RGS12: variants seen among roughly 807,000 people sequenced by gnomAD.
The protein encoded by RGS12 is regulator of G-protein signaling 12.
A neutral mutation model predicts 120.1 loss-of-function variants in RGS12; 66 were observed. The observed-to-expected ratio is 0.55, with a 90% confidence interval of 0.45 to 0.67. The LOEUF (loss-of-function observed/expected upper bound fraction) is 0.67, where lower values mean the gene tolerates loss of function less well. Ranked by LOEUF, RGS12 falls within the 30% of genes least tolerant of loss-of-function variation. The probability of loss-of-function intolerance (pLI) is 0.00; values close to 1 mark genes in which losing one functional copy is unlikely to be tolerated. For missense variants in RGS12, 1,859 were observed against 1,957.7 expected (o/e 0.95, Z 0.95); for synonymous variants, 827 against 804.7 (o/e 1.03, Z -0.47).
chr4:3,342,645 G>T, intron 2 of RGS12: 1 of 1,202,702 alleles, frequency 8.3e-7, no homozygotes, highest in Non-Finnish European at 1.1e-6. Flanking sequence ...AGCCTTGTGG[G>T]TGGGCTGCCG....
In RGS12 at chr4:3,365,430, G is replaced by A. The variant is rs1716202143; in HGVS notation, c.1999-20986G>A. On this transcript the variant is annotated intron_variant, in intron 3 of 17. Transcript: ENST00000336727. This position sits in a 1 kb window ranked among gnomAD's most constrained non-coding sequence, Gnocchi z 4.0. ...GGGAGGAGGGAGGGAGGTGGCAGGA[G>A]CTTTTGCGTCTGTCCCCAGTGAGTT... Among the ~76,000 whole-genome samples, 1 of 152,130 alleles carries A rather than the reference G, an allele frequency of 6.6e-6. No homozygotes were observed. Among genetic ancestry groups the A allele is most frequent in the African/African-American group, 2.4e-5 (1 of 41,412 alleles).
At chr4:3,310,582 C>T (rs1011276992) in intron 1 of RGS12, among the ~76,000 whole-genome samples, 4 of 152,160 alleles carry the variant, frequency 2.6e-5, no homozygotes, top group Non-Finnish European at 5.9e-5. Flanking sequence ...ACTTGGAGGG[C>T]CTCTCAGGTG....
chr4:3,345,681 G>A (rs140811089), intron 3 of RGS12, among the ~76,000 whole-genome samples: 1 of 152,332 alleles, frequency 6.6e-6, no homozygotes, highest in East Asian at 1.9e-4. Flanking sequence ...TCATCTCAAC[G>A]CGCTGGGCCA....
At chr4:3,403,724 A>G (rs1162586570) in intron 4 of RGS12, among the ~76,000 whole-genome samples, 1 of 152,124 alleles carries the variant, frequency 6.6e-6, no homozygotes. Context: ...AGCCTACCCT[A>G]CCTGTTCTTG....
chr4:3,436,307 C>T (rs932796136), intron 17 of RGS12, among the ~76,000 whole-genome samples: 3 of 152,172 alleles, frequency 2.0e-5, no homozygotes, highest in East Asian at 1.9e-4. Flanking sequence ...TGGCTCCCCT[C>T]GCTCCCCCCT....
intron 2 of RGS12, among the ~76,000 whole-genome samples, chr4:3,333,250 C>T (rs952193895): frequency 3.9e-5 from 6 of 152,234 alleles, no homozygotes; most frequent in African/African-American, 9.6e-5. Flanking sequence ...GGGGTTTCAC[C>T]GTGTTACCCA....
intron 1 of RGS12, among the ~76,000 whole-genome samples, chr4:3,294,375 C>T (rs192742174): frequency 3.3e-5 from 5 of 152,358 alleles, no homozygotes; most frequent in African/African-American, 1.2e-4. Flanking sequence ...TCCTGCTGGC[C>T]TTCCCCTAGA....
Position 3,317,249 on chromosome 4 carries a change from G to C in RGS12, c.1079G>C (p.Gly360Ala). 6.2e-7 allele frequency: 1 copy of C among 1,614,174 alleles called. No individual in the cohort carries two copies. The highest frequency in any genetic ancestry group is 8.5e-7 in the Non-Finnish European group (1 of 1,180,038). ...CACCAAGGCATTGCTCGGCGGTTTG[G>C]GTTTGAGTGCACGGCCGACCCAGAC... ...KIHQGIARRFGFECTADPDTN... is the reference protein window; with the variant it reads ...KIHQGIARRFAFECTADPDTN... Residue 360 changes from glycine (G) to alanine (A), a missense_variant, in exon 2 of 18, where the codon GGG becomes GCG. By Grantham distance (60) the Gly-to-Ala change is moderately conservative. This residue lies in a region of RGS12 where 967 missense variants were observed against 994.2 expected (regional missense o/e 0.97). Coordinates refer to ENST00000336727, the MANE Select transcript of RGS12 (RefSeq NM_001394154.1).
At chr4:3,335,387 T>G (rs1712328883) in intron 2 of RGS12, among the ~76,000 whole-genome samples, 1 of 151,992 alleles carries the variant, frequency 6.6e-6, no homozygotes. Context: ...CCGCACAGAG[T>G]TTTGTAACAG....
At position 3,417,074 on chromosome 4, in the gene RGS12, T is replaced by C; in HGVS notation, c.2589T>C (p.Ser863=). The C allele has an allele frequency of 1.9e-6, 3 of 1,607,036 alleles. No homozygotes were observed. The East Asian group carries it at 6.7e-5, about 36-fold the overall frequency. Residue 863 remains serine, a synonymous_variant, in exon 8 of 18, where the codon AGT becomes AGC. Transcript: ENST00000336727. ...SKHSLGSDHS[S]VSTPKKLSGK... is the part of the protein sequence containing the mutation. ...ACAGCCTCGGTTCAGACCACTCCAGTGTGTCCACGCCAAAAAAGGTGACCT... is the reference window on the plus strand; with the variant it reads ...ACAGCCTCGGTTCAGACCACTCCAGCGTGTCCACGCCAAAAAAGGTGACCT...
At chr4:3,319,854 G>C (rs576032415) in intron 2 of RGS12, among the ~76,000 whole-genome samples, 1 of 152,128 alleles carries the variant, frequency 6.6e-6, no homozygotes, top group African/African-American at 2.4e-5. Flanking sequence ...CCTCCTGCCC[G>C]CCCTGGGCCT....
intron 2 of RGS12, among the ~76,000 whole-genome samples, chr4:3,328,293 G>A (rs1375488549): frequency 6.6e-6 from 1 of 152,194 alleles, no homozygotes; most frequent in Non-Finnish European, 1.5e-5. Flanking sequence ...TGGGTGCAAC[G>A]TATGTTGCAC....
chr4:3,420,004 G>T (rs1331009480), intron 9 of RGS12, among the ~76,000 whole-genome samples: 3 of 152,202 alleles, frequency 2.0e-5, no homozygotes, highest in African/African-American at 7.2e-5. Context: ...GAGCCCATGT[G>T]CAGCGGTGTG....
rs76122010 is a variant in RGS12 at position 3,433,280 on chromosome 4, A to G, written c.4114+2325A>G. On this transcript the variant is annotated intron_variant, in intron 17 of 17. Transcript: ENST00000336727. The surrounding 1 kb of genome is among the most constrained non-coding windows in gnomAD (Gnocchi z 4.4). Reference sequence around the variant, plus strand: ...CCCAGCGTCCGGGGTGAGAAACACAACAGGAGGTGTAGCCAAGCCCACGGG... The same window carrying G: ...CCCAGCGTCCGGGGTGAGAAACACAGCAGGAGGTGTAGCCAAGCCCACGGG... Among the ~76,000 whole-genome samples, 99 of 152,324 alleles carry G rather than the reference A, an allele frequency of 6.5e-4. 1 individual carries two copies. In the East Asian group the frequency reaches 0.017, roughly 26 times the overall value.
intron 2 of RGS12, among the ~76,000 whole-genome samples, chr4:3,329,994 G>A (rs994541429): frequency 1.3e-5 from 2 of 152,162 alleles, no homozygotes; most frequent in African/African-American, 4.8e-5. Flanking sequence ...ACATGTAATC[G>A]TGAGGCTTTA....
intron 3 of RGS12, among the ~76,000 whole-genome samples, chr4:3,345,307 C>T (rs961237197): frequency 6.6e-6 from 1 of 152,134 alleles, no homozygotes; most frequent in Non-Finnish European, 1.5e-5. Context: ...GCATGAGAAC[C>T]CTCCCTTCCT....
At position 3,372,225 on chromosome 4, in the gene RGS12, G is replaced by A. The variant is rs1717086612; in HGVS notation, c.1999-14191G>A. Among the ~76,000 whole-genome samples, 2 of 152,142 alleles carry A rather than the reference G, an allele frequency of 1.3e-5. No homozygotes were observed. The highest frequency in any genetic ancestry group is 1.5e-5 in the Non-Finnish European group (1 of 68,010). On this transcript the variant is annotated intron_variant, in intron 3 of 17. Coordinates refer to ENST00000336727, the MANE Select transcript of RGS12 (RefSeq NM_001394154.1). This position sits in a 1 kb window ranked among gnomAD's most constrained non-coding sequence, Gnocchi z 4.3. Reference sequence around the variant, plus strand: ...TCTGTCTGCGCACCCCTCCCAGGGTGCCCTGCTGTGGGGTGGCCGCTCTGG... The same window carrying A: ...TCTGTCTGCGCACCCCTCCCAGGGTACCCTGCTGTGGGGTGGCCGCTCTGG...
Position 3,365,048 on chromosome 4 carries a change from C to G in RGS12, c.1999-21368C>G, listed in dbSNP as rs148656348. ...CTTTCCAGGGGAGCAGAAGGGGCAT[C>G]CTGGGTGACAGGAGGATGAGGTGAC... On this transcript the variant is annotated intron_variant, in intron 3 of 17. Coordinates refer to ENST00000336727, the MANE Select transcript of RGS12 (RefSeq NM_001394154.1). The surrounding 1 kb of genome is among the most constrained non-coding windows in gnomAD (Gnocchi z 4.0). Among the ~76,000 whole-genome samples the G allele has an allele frequency of 2.9e-4, 44 of 152,190 alleles. No individual in the cohort carries two copies. The highest frequency in any genetic ancestry group is 3.4e-3 in the Middle Eastern group (1 of 292).
At chr4:3,423,894 G>A in intron 13 of RGS12, 2 of 430,034 alleles carry the variant, frequency 4.7e-6, no homozygotes, top group South Asian at 5.5e-5. Flanking sequence ...TTTGCTCCAG[G>A]GAGGCCAAAA....
Sources: allele counts gnomAD v4.1 joint callset (sites outside exome capture counted in the v4.1 genomes callset), GRCh38; gene constraint gnomAD v4.1.1; regional missense constraint gnomAD v4.1.1; non-coding constraint Gnocchi (gnomAD v3.1); transcripts MANE v1.5; gene names NCBI Gene and HGNC (gene_info 2026-07-23, HGNC 2026-07-21).